Variants in RPTOR observed in about 807,000 individuals in gnomAD.
RPTOR encodes regulatory associated protein of MTOR complex 1, also known as regulatory-associated protein of mTOR.
Under a neutral mutation model 169.9 loss-of-function variants are expected in RPTOR, and 21 were observed. That is an observed-to-expected ratio of 0.12 (90% CI 0.09 to 0.18). The LOEUF (loss-of-function observed/expected upper bound fraction) is 0.18. RPTOR is among the 10% of genes least tolerant of loss of function. RPTOR has a pLI of 1.00. For missense variants in RPTOR, 1,133 were observed against 1,855.9 expected, an observed-to-expected ratio of 0.61 and a Z score of 7.16; for synonymous variants, 732 against 753.2, an observed-to-expected ratio of 0.97 and a Z score of 0.46.
chr17:80,922,950 C>T (rs1345311977), intron 22 of RPTOR, 123 bp downstream of exon 22: 3 of 785,544 alleles, frequency 3.8e-6, no homozygotes, highest in Non-Finnish European at 6.1e-6. Context: ...TCGTCTCCTC[C>T]CCCCTCTCCA....
At chr17:80,783,704 A>T (rs1278117945) in intron 6 of RPTOR, among the ~76,000 whole-genome samples, 5 of 152,224 alleles carry the variant, frequency 3.3e-5, no homozygotes, top group Non-Finnish European at 5.9e-5. Context: ...GGATTGGCTC[A>T]TTATGTGGGT....
Position 80,723,675 on chromosome 17 carries a change from A to G in RPTOR, c.508-6885A>G, listed in dbSNP as rs566386063. Among the ~76,000 whole-genome samples the G allele has an allele frequency of 1.3e-5, 2 of 151,378 alleles. 1 individual carries two copies. Among genetic ancestry groups the G allele is most frequent in the African/African-American group, 4.9e-5 (2 of 40,696 alleles). On this transcript the variant is annotated intron_variant, in intron 4 of 33. Coordinates refer to ENST00000306801, the MANE Select transcript of RPTOR (RefSeq NM_020761.3). Reference sequence around the variant, plus strand: ...GTGTGCTCGTTACTACTGGAGCATTAGTGTTACTAGGCCTAGGCCCTCTCC... The same window carrying G: ...GTGTGCTCGTTACTACTGGAGCATTGGTGTTACTAGGCCTAGGCCCTCTCC...
chr17:80,889,877 C>G (rs2068296709), intron 17 of RPTOR, among the ~76,000 whole-genome samples: 1 of 118,146 alleles, frequency 8.5e-6, no homozygotes, highest in African/African-American at 3.2e-5. Context: ...GGATGTGCGG[C>G]CTCCGAGGGA....
chr17:80,625,252 G>T (rs731452), intron 1 of RPTOR, among the ~76,000 whole-genome samples: 42,961 of 152,184 alleles, frequency 0.28, 6,565 homozygotes, highest in Non-Finnish European at 0.35. Flanking sequence ...AAATCAATAC[G>T]ACAGCTTTTC....
Position 80,730,668 on chromosome 17 carries a change from T to C in RPTOR, c.616T>C (p.Phe206Leu), listed in dbSNP as rs1325650599. ...CAATGCTGGCTTGATCGTCAAGTCC[T>C]TCAAGCAGTTCGCACTACAGCGGGA... ...CSNAGLIVKSFKQFALQREQE... is the reference protein window; with the variant it reads ...CSNAGLIVKSLKQFALQREQE... Residue 206 changes from phenylalanine to leucine, a missense_variant, in exon 5 of 34, where the codon TTC becomes CTC. Coordinates refer to ENST00000306801, the MANE Select transcript of RPTOR (RefSeq NM_020761.3). This position sits in a 1 kb window ranked among gnomAD's most constrained non-coding sequence, Gnocchi z 4.2. The C allele has an allele frequency of 6.2e-7, 1 of 1,612,176 alleles. No homozygotes were observed. Among genetic ancestry groups the C allele is most frequent in the Non-Finnish European group, 8.5e-7 (1 of 1,179,168 alleles).
chr17:80,936,529 A>AT lies in RPTOR; in HGVS notation c.2920-3965dup, dbSNP rs1301328166. 6.6e-6 allele frequency among the ~76,000 whole-genome samples: 1 copy of AT among 152,236 alleles called. No individual in the cohort carries two copies. Among genetic ancestry groups the AT allele is most frequent in the Non-Finnish European group, 1.5e-5 (1 of 68,040 alleles). On this transcript the variant is annotated intron_variant, in intron 24 of 33. Coordinates refer to ENST00000306801, the MANE Select transcript of RPTOR (RefSeq NM_020761.3). This position sits in a 1 kb window ranked among gnomAD's most constrained non-coding sequence, Gnocchi z 4.1. ...CATCAGAACAATATTTAAATAAACT[A>AT]TTGATAAACGCAGTGGCACAGATGC...
chr17:80,829,951 G>A (rs1312082913), intron 9 of RPTOR, among the ~76,000 whole-genome samples: 5 of 152,180 alleles, frequency 3.3e-5, no homozygotes, highest in African/African-American at 1.2e-4. Context: ...ATGCCAGCGT[G>A]AATCTAGAGC....
intron 17 of RPTOR, among the ~76,000 whole-genome samples, chr17:80,887,147 G>A (rs1321608992): frequency 3.9e-5 from 6 of 151,962 alleles, no homozygotes; most frequent in African/African-American, 1.2e-4. Flanking sequence ...GAAAGACACC[G>A]TCACTCACCT....
At chr17:80,911,659 C>G (rs1056985545) in intron 21 of RPTOR, among the ~76,000 whole-genome samples, 7 of 152,074 alleles carry the variant, frequency 4.6e-5, no homozygotes, top group African/African-American at 1.7e-4. Flanking sequence ...GTGGCAAGCA[C>G]TTGTGGTCGC....
intron 4 of RPTOR, among the ~76,000 whole-genome samples, chr17:80,727,194 CGA>C (rs1415120739): frequency 6.6e-6 from 1 of 150,612 alleles, no homozygotes; most frequent in Non-Finnish European, 1.5e-5. Flanking sequence ...CGTCACGCCC[CGA>C]GAACGTGGAC....
chr17:80,562,264 C>T lies in RPTOR; in HGVS notation c.162+16473C>T, dbSNP rs1011151371. ...CAGGCATTTGGAAAGCCAAAGAACACGTGTTTGCTTGTGAAAACTTAAGGA... is the reference window on the plus strand; with the variant it reads ...CAGGCATTTGGAAAGCCAAAGAACATGTGTTTGCTTGTGAAAACTTAAGGA... On this transcript the variant is annotated intron_variant, in intron 1 of 33. Transcript: ENST00000306801. The surrounding 1 kb of genome is among the most constrained non-coding windows in gnomAD (Gnocchi z 4.4). 2.6e-5 allele frequency among the ~76,000 whole-genome samples: 4 copies of T among 152,156 alleles called. No individual in the cohort carries two copies. The highest frequency in any genetic ancestry group is 9.7e-5 in the African/African-American group (4 of 41,428).
chr17:80,765,251 T>G (rs1486087316), intron 6 of RPTOR, among the ~76,000 whole-genome samples: 1 of 152,168 alleles, frequency 6.6e-6, no homozygotes, highest in Non-Finnish European at 1.5e-5. Context: ...TCACAGATTT[T>G]CATCTGGGCA....
intron 11 of RPTOR, among the ~76,000 whole-genome samples, chr17:80,851,223 C>T (rs1473181290): frequency 2.0e-5 from 3 of 152,134 alleles, no homozygotes; most frequent in African/African-American, 7.2e-5. Flanking sequence ...GCCTCTATGC[C>T]GGCCACCATG....
chr17:80,953,675 T>C (rs959052475), intron 28 of RPTOR, among the ~76,000 whole-genome samples: 2 of 152,206 alleles, frequency 1.3e-5, no homozygotes, highest in African/African-American at 4.8e-5. Context: ...CATGTCCGGG[T>C]GGGCAGCAAG....
At chr17:80,949,629 G>T (rs1038945915) in intron 28 of RPTOR, 82 bp downstream of exon 28, 7 of 1,168,098 alleles carry the variant, frequency 6.0e-6, no homozygotes, top group Middle Eastern at 4.7e-4. Context: ...CCCTTCTGGG[G>T]CTGTCTCTAA....
At chr17:80,891,589 C>G in intron 17 of RPTOR, 131 bp from the exon 18 acceptor site, 1 of 684,150 alleles carries the variant, frequency 1.5e-6, no homozygotes, top group Non-Finnish European at 2.6e-6. Context: ...GGGATGGTCC[C>G]TGTTTCTGAT....
chr17:80,606,379 T>A (rs2065229651), intron 1 of RPTOR, among the ~76,000 whole-genome samples: 1 of 151,470 alleles, frequency 6.6e-6, no homozygotes, highest in African/African-American at 2.4e-5. Flanking sequence ...CCCTGCTAAT[T>A]TTTTTATTTT....
chr17:80,822,739 T>A (rs942086400), intron 8 of RPTOR, among the ~76,000 whole-genome samples: 5 of 151,830 alleles, frequency 3.3e-5, no homozygotes, highest in African/African-American at 1.2e-4. Context: ...CATACACGTG[T>A]GTATATGCAT....
chr17:80,832,124 A>T (rs1032172277), intron 9 of RPTOR, among the ~76,000 whole-genome samples: 16 of 151,836 alleles, frequency 1.1e-4, no homozygotes, highest in African/African-American at 3.6e-4. Flanking sequence ...GTGTGGAAAA[A>T]CTCCATTGAA....
Sources: gnomAD v4.1 joint callset for allele counts (sites outside exome capture counted in the v4.1 genomes callset) on GRCh38, gnomAD v4.1.1 for gene constraint, Gnocchi (gnomAD v3.1) non-coding constraint, MANE v1.5 for transcripts, NCBI Gene and HGNC (gene_info 2026-07-23, HGNC 2026-07-21) for gene names.